Variants in PLAGL1 observed in about 807,000 individuals in gnomAD.
The protein encoded by PLAGL1 is PLAG1 like zinc finger 1.
In PLAGL1, 1 loss-of-function variant was observed where a neutral mutation model predicts 4.6. The observed-to-expected ratio is 0.22, with a 90% CI of 0.08 to 1.03. The LOEUF is 1.03. PLAGL1 is among the 50% of genes least tolerant of loss of function. The pLI is 0.58. For synonymous variants in PLAGL1, 240 were observed against 237.8 expected (o/e 1.01, Z -0.08); for missense variants, 464 against 570.4 (o/e 0.81, Z 1.90).
upstream of PLAGL1, chr6:144,008,890 A>G (rs999868240): frequency 3.3e-5 from 5 of 152,360 alleles, no homozygotes; most frequent in South Asian, 4.1e-4. The surrounding 1 kb of genome is among the most constrained non-coding windows in gnomAD (Gnocchi z 6.9). Flanking sequence ...GAAGACGCAG[A>G]AAGGGTAGAC....
chr6:144,038,127 A>G (rs1189593985), intron 1 of PLAGL1, among the ~76,000 whole-genome samples: 2 of 152,258 alleles, frequency 1.3e-5, no homozygotes, highest in Non-Finnish European at 2.9e-5. Context: ...AATGCTACAC[A>G]TCTGATGAAA....
At position 143,949,468 on chromosome 6, in the gene PLAGL1, G is replaced by A. The variant is rs963569198; in HGVS notation, c.-324-1008C>T. On this transcript the variant is annotated intron_variant, in intron 6 of 7. Transcript: ENST00000674357. This position sits in a 1 kb window ranked among gnomAD's most constrained non-coding sequence, Gnocchi z 5.3. ...TTACACTTGGAGATGTCTCCTCCTA[G>A]CTTCACTCTCAGGACCTGGACCAAC... is the stretch of plus-strand genomic sequence containing the variant. 1.3e-5 allele frequency among the ~76,000 whole-genome samples: 2 copies of A among 152,074 alleles called. No individual in the cohort carries two copies. The highest frequency in any genetic ancestry group is 4.8e-5 in the African/African-American group (2 of 41,398).
rs1324319245 is a variant in PLAGL1, at chr6:144,006,485, T to C, written c.-584+1605A>G. The C allele has an allele frequency of 6.6e-6, 1 of 152,230 alleles. No homozygotes were observed. Among genetic ancestry groups the C allele is most frequent in the Non-Finnish European group, 1.5e-5 (1 of 68,056 alleles). 9.4% of individuals were successfully genotyped at this position (152,230 alleles called of 1,614,324 possible). On this transcript the variant is annotated intron_variant, in intron 1 of 7. Coordinates refer to ENST00000674357, the MANE Select transcript of PLAGL1 (RefSeq NM_001317162.2). This position sits in a 1 kb window ranked among gnomAD's most constrained non-coding sequence, Gnocchi z 4.3. ...CTTGACTTTTTTTCTTTACTACTTT[T>C]AATGCCTATACATGCATCCCTAAAC... is the stretch of plus-strand genomic sequence containing the variant.
chr6:143,948,007 C>A lies in PLAGL1; in HGVS notation c.130G>T (p.Val44Phe), dbSNP rs1309219227. 6.2e-7 allele frequency: 1 copy of A among 1,613,960 alleles called. No homozygotes were observed. The highest frequency in any genetic ancestry group is 8.5e-7 in the Non-Finnish European group (1 of 1,179,950). Residue 44 changes from valine (V) to phenylalanine (F), a missense_variant, in exon 7 of 8, where the codon GTT becomes TTT. By Grantham distance (50) the Val-to-Phe change is conservative. This residue lies in a region of PLAGL1 where 161 missense variants were observed against 196.7 expected (regional missense o/e 0.82). Transcript: ENST00000674357. This position sits in a 1 kb window ranked among gnomAD's most constrained non-coding sequence, Gnocchi z 6.0. ...CVQPDCGKAF[V>F]SRYKLMRHMA... The stretch of plus-strand genomic sequence containing the variant: ...CACCTCATCAATTTATATCTGGAAA[C>A]AAAGGCTTTGCCACAGTCAGGCTGC...
rs868114544 is a variant in PLAGL1, at chr6:144,064,230, G to A, written c.-151+238C>T. On this transcript the variant is annotated intron_variant, in intron 1 of 3. Transcript: ENST00000437412. The surrounding 1 kb of genome is among the most constrained non-coding windows in gnomAD (Gnocchi z 6.8). ...AGAAAAGGGAAGCGCGCCCCAAGCCGCACAAAGGTGGCCGCCGGTGTCCCA... is the reference window on the plus strand; with the variant it reads ...AGAAAAGGGAAGCGCGCCCCAAGCCACACAAAGGTGGCCGCCGGTGTCCCA... Among the ~76,000 whole-genome samples the A allele has an allele frequency of 1.8e-4, 28 of 152,160 alleles. No individual in the cohort carries two copies. The highest frequency in any genetic ancestry group is 1.7e-3 in the South Asian group (8 of 4,822).
In PLAGL1 at chr6:143,979,597, T is replaced by A. The variant is rs531479452; in HGVS notation, c.-544+5538A>T. Among the ~76,000 whole-genome samples, 1 of 152,110 alleles carries A rather than the reference T, an allele frequency of 6.6e-6. No homozygotes were observed. Among genetic ancestry groups the A allele is most frequent in the African/African-American group, 2.4e-5 (1 of 41,450 alleles). On this transcript the variant is annotated intron_variant, in intron 2 of 7. Coordinates refer to ENST00000674357, the MANE Select transcript of PLAGL1 (RefSeq NM_001317162.2). The surrounding 1 kb of genome is among the most constrained non-coding windows in gnomAD (Gnocchi z 4.6). Reference sequence around the variant, plus strand: ...GTTCATGTAGAGTATAAAAACTTTATAGTTATATTTTTCCTCACCTGACCT... The same window carrying A: ...GTTCATGTAGAGTATAAAAACTTTAAAGTTATATTTTTCCTCACCTGACCT...
In PLAGL1 at chr6:143,950,575, G is replaced by C. The variant is rs1051765860; in HGVS notation, c.-324-2115C>G. On this transcript the variant is annotated intron_variant, in intron 6 of 7. Coordinates refer to ENST00000674357, the MANE Select transcript of PLAGL1 (RefSeq NM_001317162.2). This position sits in a 1 kb window ranked among gnomAD's most constrained non-coding sequence, Gnocchi z 6.3. ...TTATTAAAAAAGACTAACACACACA[G>C]AGTATGAAGTTTGAAAATGCATCTT... Among the ~76,000 whole-genome samples, 4 of 152,158 alleles carry C rather than the reference G, an allele frequency of 2.6e-5. No individual in the cohort carries two copies. Among genetic ancestry groups the C allele is most frequent in the Non-Finnish European group, 4.4e-5 (3 of 68,032 alleles).
chr6:144,023,636 A>T (rs1796128203), intron 1 of PLAGL1, among the ~76,000 whole-genome samples: 2 of 152,210 alleles, frequency 1.3e-5, no homozygotes, highest in African/African-American at 4.8e-5. Flanking sequence ...ATGGCCAAGT[A>T]AGTAATTAGA....
In PLAGL1 at chr6:143,983,928, C is replaced by T. The variant is rs991255529; in HGVS notation, c.-544+1207G>A. On this transcript the variant is annotated intron_variant, in intron 2 of 7. Coordinates refer to ENST00000674357, the MANE Select transcript of PLAGL1 (RefSeq NM_001317162.2). This position sits in a 1 kb window ranked among gnomAD's most constrained non-coding sequence, Gnocchi z 6.6. Reference sequence around the variant, plus strand: ...CATTGAAGGAGAGGAAATCAAGAAACCGAGAAGCCAGGCTGTTAAGACTCT... The same window carrying T: ...CATTGAAGGAGAGGAAATCAAGAAATCGAGAAGCCAGGCTGTTAAGACTCT... 1.3e-5 allele frequency among the ~76,000 whole-genome samples: 2 copies of T among 151,926 alleles called. No individual in the cohort carries two copies. The highest frequency in any genetic ancestry group is 4.8e-5 in the African/African-American group (2 of 41,356).
At chr6:144,028,762 C>T (rs1409295927) in intron 1 of PLAGL1, among the ~76,000 whole-genome samples, 1 of 152,176 alleles carries the variant, frequency 6.6e-6, no homozygotes, top group African/African-American at 2.4e-5. Context: ...GCAAGTGGAT[C>T]CAAAGCAAAT....
Position 144,064,251 on chromosome 6 carries a change from T to C in PLAGL1, c.-151+217A>G, listed in dbSNP as rs935867256. ...AGCCGCACAAAGGTGGCCGCCGGTG[T>C]CCCAAGCACCGACCGCCATCCCCGG... On this transcript the variant is annotated intron_variant, in intron 1 of 3. Coordinates refer to the PLAGL1 transcript ENST00000437412. This position sits in a 1 kb window ranked among gnomAD's most constrained non-coding sequence, Gnocchi z 6.8. Among the ~76,000 whole-genome samples the C allele has an allele frequency of 6.6e-6, 1 of 152,016 alleles. No homozygotes were observed. Among genetic ancestry groups the C allele is most frequent in the African/African-American group, 2.4e-5 (1 of 41,386 alleles).
Position 143,962,335 on chromosome 6 carries a change from T to A in PLAGL1, c.-398-1793A>T, listed in dbSNP as rs1382647613. On this transcript the variant is annotated intron_variant, in intron 5 of 7. Coordinates refer to ENST00000674357, the MANE Select transcript of PLAGL1 (RefSeq NM_001317162.2). The surrounding 1 kb of genome is among the most constrained non-coding windows in gnomAD (Gnocchi z 5.3). ...AAGCAGAGGGAAAAAAGGGTTTTCATACGTCAATTATTCTTTTTTAAGTAT... is the reference window on the plus strand; with the variant it reads ...AAGCAGAGGGAAAAAAGGGTTTTCAAACGTCAATTATTCTTTTTTAAGTAT... Among the ~76,000 whole-genome samples the A allele has an allele frequency of 1.3e-5, 2 of 152,246 alleles. No individual in the cohort carries two copies. The highest frequency in any genetic ancestry group is 4.8e-5 in the African/African-American group (2 of 41,472).
At chr6:144,024,346 C>T (rs1796189130) in intron 1 of PLAGL1, among the ~76,000 whole-genome samples, 2 of 152,116 alleles carry the variant, frequency 1.3e-5, no homozygotes, top group African/African-American at 2.4e-5. Flanking sequence ...GGCTGTGTCC[C>T]CACCAAAATC....
At position 143,964,567 on chromosome 6, in the gene PLAGL1, TGTGCTATAGACTA is replaced by T. The variant is rs1350817229; in HGVS notation, c.-399+207_-399+219del. Among the ~76,000 whole-genome samples, 1 of 152,174 alleles carries T rather than the reference TGTGCTATAGACTA, an allele frequency of 6.6e-6. No homozygotes were observed. The highest frequency in any genetic ancestry group is 2.4e-5 in the African/African-American group (1 of 41,444). On this transcript the variant is annotated intron_variant, in intron 5 of 7. Coordinates refer to ENST00000674357, the MANE Select transcript of PLAGL1 (RefSeq NM_001317162.2). This position sits in a 1 kb window ranked among gnomAD's most constrained non-coding sequence, Gnocchi z 4.3. Reference sequence around the variant, plus strand: ...GCAGAATCTTAGAACAGTGCACATCTGTGCTATAGACTAGCTACAACTGCTGGAACTGGAGCCA... The same window carrying T: ...GCAGAATCTTAGAACAGTGCACATCTGCTACAACTGCTGGAACTGGAGCCA...
rs1430296528 is a variant in PLAGL1 at position 144,013,702 on chromosome 6, T to C, written c.-150-44724A>G. Among the ~76,000 whole-genome samples, 1 of 152,210 alleles carries C rather than the reference T, an allele frequency of 6.6e-6. No homozygotes were observed. The highest frequency in any genetic ancestry group is 1.5e-5 in the Non-Finnish European group (1 of 68,026). On this transcript the variant is annotated intron_variant, in intron 1 of 3. Coordinates refer to the PLAGL1 transcript ENST00000437412. The surrounding 1 kb of genome is among the most constrained non-coding windows in gnomAD (Gnocchi z 4.4). The stretch of plus-strand genomic sequence containing the variant: ...GCTTCCTTGGCTTGCGGCCACAGCA[T>C]GCCAATCTCTGCCTCCATCTTCACA...
intron 1 of PLAGL1, among the ~76,000 whole-genome samples, chr6:144,049,801 A>T (rs976945243): frequency 4.6e-5 from 7 of 152,320 alleles, no homozygotes; most frequent in African/African-American, 1.7e-4. Flanking sequence ...CAAATAAAAA[A>T]CTGAGACACA....
In PLAGL1 at chr6:143,945,513, G is replaced by A. The variant is rs1779559806; in HGVS notation, c.152+2472C>T. Among the ~76,000 whole-genome samples the A allele has an allele frequency of 6.6e-6, 1 of 152,130 alleles. No individual in the cohort carries two copies. The highest frequency in any genetic ancestry group is 2.4e-5 in the African/African-American group (1 of 41,416). ...TTTTTTTGAGATGCAGTCCCACCCTGTCACCAGGCTGAAGTGCAGTGGCTC... is the reference window on the plus strand; with the variant it reads ...TTTTTTTGAGATGCAGTCCCACCCTATCACCAGGCTGAAGTGCAGTGGCTC... On this transcript the variant is annotated intron_variant, in intron 7 of 7. Coordinates refer to ENST00000674357, the MANE Select transcript of PLAGL1 (RefSeq NM_001317162.2). The surrounding 1 kb of genome is among the most constrained non-coding windows in gnomAD (Gnocchi z 4.2).
In PLAGL1 at chr6:144,056,233, T is replaced by C. The variant is rs950422171; in HGVS notation, c.-151+8235A>G. On this transcript the variant is annotated intron_variant, in intron 1 of 3. Transcript: ENST00000437412. This position sits in a 1 kb window ranked among gnomAD's most constrained non-coding sequence, Gnocchi z 4.7. ...CAAAATTGAGGAGGAAAGAGACATCTTACATGTCCCATCCCCCACACACGC... is the reference window on the plus strand; with the variant it reads ...CAAAATTGAGGAGGAAAGAGACATCCTACATGTCCCATCCCCCACACACGC... Among the ~76,000 whole-genome samples the C allele has an allele frequency of 1.6e-4, 25 of 152,110 alleles. No homozygotes were observed. Among genetic ancestry groups the C allele is most frequent in the African/African-American group, 5.8e-4 (24 of 41,400 alleles).
chr6:144,051,464 C>T (rs1438492405), intron 1 of PLAGL1, among the ~76,000 whole-genome samples: 3 of 152,220 alleles, frequency 2.0e-5, no homozygotes, highest in African/African-American at 7.2e-5. Context: ...TCATTTACTC[C>T]TGTTTTTTTC....
Sources: allele counts gnomAD v4.1 joint callset (sites outside exome capture counted in the v4.1 genomes callset), GRCh38; gene constraint gnomAD v4.1.1; regional missense constraint gnomAD v4.1.1; non-coding constraint Gnocchi (gnomAD v3.1); transcripts MANE v1.5; gene names NCBI Gene and HGNC (gene_info 2026-07-23, HGNC 2026-07-21).